The following FSTL5 variants were observed in gnomAD, a reference collection of about 807,000 sequenced individuals.
The protein encoded by FSTL5 is follistatin-related protein 5.
In FSTL5, 62 loss-of-function variants were observed where a neutral mutation model predicts 89.1. That is an observed-to-expected ratio of 0.70 (90% CI 0.57 to 0.86). FSTL5 has a LOEUF of 0.86. Among genes scored for constraint, FSTL5 ranks in the 40% least tolerant of loss-of-function variants. FSTL5 has a pLI of 0.00. For synonymous variants in FSTL5, 383 were observed against 346.2 expected, an observed-to-expected ratio of 1.11 and a Z score of -1.18; for missense variants, 1,057 against 1,001.6, an observed-to-expected ratio of 1.06 and a Z score of -0.75.
chr4:161,574,830 T>G (rs891396094), intron 8 of FSTL5, among the ~76,000 whole-genome samples: 2 of 152,206 alleles, frequency 1.3e-5, no homozygotes, highest in East Asian at 3.9e-4. Flanking sequence ...GTCTTTATAG[T>G]AGAATGATTC....
chr4:161,748,538 G>A (rs1740280119), intron 6 of FSTL5, among the ~76,000 whole-genome samples: 1 of 150,992 alleles, frequency 6.6e-6, no homozygotes, highest in Non-Finnish European at 1.5e-5. Context: ...GGTATATAAG[G>A]TTGTACAAGC....
intron 7 of FSTL5, among the ~76,000 whole-genome samples, chr4:161,614,106 G>A (rs1303088576): frequency 6.6e-6 from 1 of 151,924 alleles, no homozygotes; most frequent in Non-Finnish European, 1.5e-5. Context: ...TAAAGTAGGG[G>A]GTTCATAGTG....
rs147430907 is a variant in FSTL5 at position 161,971,603 on chromosome 4, G to C, written c.161-50951C>G. Among the ~76,000 whole-genome samples the C allele has an allele frequency of 5.4e-3, 816 of 152,010 alleles. 6 individuals carry two copies. Among genetic ancestry groups the C allele is most frequent in the African/African-American group, 0.019 (777 of 41,488 alleles). ...GAATTGTAATTACCTAAACATTCCTGGGTAAAATATTTAAATATGTAATAT... is the reference window on the plus strand; with the variant it reads ...GAATTGTAATTACCTAAACATTCCTCGGTAAAATATTTAAATATGTAATAT... On this transcript the variant is annotated intron_variant, in intron 3 of 15. Coordinates refer to ENST00000306100, the MANE Select transcript of FSTL5 (RefSeq NM_020116.5).
At chr4:161,542,415 G>A in intron 9 of FSTL5, 117 bp downstream of exon 9, 2 of 529,216 alleles carry the variant, frequency 3.8e-6, no homozygotes, top group Non-Finnish European at 3.1e-6. Context: ...TTTCATATTT[G>A]TGACATTCTG....
intron 2 of FSTL5, among the ~76,000 whole-genome samples, chr4:162,060,051 T>C (rs1161235489): frequency 2.6e-5 from 4 of 152,160 alleles, no homozygotes; most frequent in African/African-American, 9.6e-5. Flanking sequence ...TTTCTTACAA[T>C]TGATCTCAAA....
At chr4:161,505,760 C>A (rs1047550059) in intron 11 of FSTL5, among the ~76,000 whole-genome samples, 11 of 151,974 alleles carry the variant, frequency 7.2e-5, no homozygotes, top group Non-Finnish European at 5.9e-5. Flanking sequence ...TACATGTGCA[C>A]ATATATAGAT....
At chr4:162,153,729 T>A (rs1733342866) in intron 1 of FSTL5, among the ~76,000 whole-genome samples, 1 of 95,070 alleles carries the variant, frequency 1.1e-5, no homozygotes, top group South Asian at 3.1e-4. Flanking sequence ...ATAATATATG[T>A]ATATATGTAT....
intron 7 of FSTL5, among the ~76,000 whole-genome samples, chr4:161,633,567 G>A (rs372933908): frequency 4.4e-4 from 67 of 151,926 alleles, no homozygotes; most frequent in African/African-American, 1.6e-3. Context: ...GGATGGTCTC[G>A]ATCTCTTGAC....
intron 8 of FSTL5, among the ~76,000 whole-genome samples, chr4:161,550,557 T>TTTTATTTATTTA (rs35953683): frequency 1.9e-4 from 27 of 142,244 alleles, no homozygotes; most frequent in Non-Finnish European, 3.4e-4. Context: ...GTAACTTCTT[T>TTTTATTTATTTA]TTTATTTATT....
At chr4:161,423,028 C>T (rs1320700873) in intron 15 of FSTL5, among the ~76,000 whole-genome samples, 3 of 152,168 alleles carry the variant, frequency 2.0e-5, no homozygotes, top group Non-Finnish European at 4.4e-5. Context: ...GCTTGAACAG[C>T]TGATCTGTGA....
chr4:161,432,941 G>T (rs969651667), intron 15 of FSTL5, among the ~76,000 whole-genome samples: 4 of 151,940 alleles, frequency 2.6e-5, no homozygotes, highest in South Asian at 2.1e-4. Flanking sequence ...GTAATAAATA[G>T]TCTTTGAGCA....
At chr4:162,129,059 A>G (rs983015398) in intron 1 of FSTL5, among the ~76,000 whole-genome samples, 1 of 151,974 alleles carries the variant, frequency 6.6e-6, no homozygotes, top group Non-Finnish European at 1.5e-5. Flanking sequence ...CAGCCTCCCA[A>G]GTAGCTGGGA....
At chr4:161,878,973 T>A (rs1414691206) in intron 4 of FSTL5, among the ~76,000 whole-genome samples, 1 of 152,204 alleles carries the variant, frequency 6.6e-6, no homozygotes, top group African/African-American at 2.4e-5. Flanking sequence ...CAATTATGAC[T>A]TGTCTCCTAA....
intron 15 of FSTL5, among the ~76,000 whole-genome samples, chr4:161,422,487 T>G (rs1732025157): frequency 6.6e-6 from 1 of 152,230 alleles, no homozygotes; most frequent in Admixed American, 6.5e-5. Flanking sequence ...TTGATTACCT[T>G]TGAATATCTC....
chr4:161,796,735 T>C (rs1278437419), intron 4 of FSTL5, among the ~76,000 whole-genome samples: 1 of 151,682 alleles, frequency 6.6e-6, no homozygotes, highest in Non-Finnish European at 1.5e-5. Context: ...TTGAATATTT[T>C]ATTATACATA....
At position 161,835,411 on chromosome 4, in the gene FSTL5, A is replaced by T. The variant is rs558512495; in HGVS notation, c.410-59337T>A. Among the ~76,000 whole-genome samples, 623 of 152,242 alleles carry T rather than the reference A, an allele frequency of 4.1e-3. 4 individuals are homozygous for T. The highest frequency in any genetic ancestry group is 0.015 in the African/African-American group (605 of 41,500). ...GGCATAGGCAAGGACTTCATGTCCA[A>T]AACACCAAAAGTAATGGCAACAAAA... On this transcript the variant is annotated intron_variant, in intron 4 of 15. Transcript: ENST00000306100.
chr4:161,451,748 G>T (rs538949988), intron 15 of FSTL5, among the ~76,000 whole-genome samples: 1 of 152,284 alleles, frequency 6.6e-6, no homozygotes, highest in South Asian at 2.1e-4. Context: ...CTGATAATGT[G>T]TTGGAGGCTG....
intron 4 of FSTL5, among the ~76,000 whole-genome samples, chr4:161,807,958 A>G (rs935212070): frequency 6.6e-6 from 1 of 152,218 alleles, no homozygotes; most frequent in African/African-American, 2.4e-5. Flanking sequence ...GAAATCAGAG[A>G]AATCAAAAGG....
At chr4:162,063,028 C>G (rs984909289) in intron 2 of FSTL5, among the ~76,000 whole-genome samples, 8 of 151,716 alleles carry the variant, frequency 5.3e-5, no homozygotes, top group Non-Finnish European at 1.2e-4. Flanking sequence ...CTTTGTCCGT[C>G]AAGATATTTT....
Sources: gnomAD v4.1 joint callset for allele counts (sites outside exome capture counted in the v4.1 genomes callset) on GRCh38, gnomAD v4.1.1 for gene constraint, MANE v1.5 for transcripts, NCBI Gene and HGNC (gene_info 2026-07-23, HGNC 2026-07-21) for gene names.